Variants in FHIT observed in about 807,000 individuals in gnomAD.
FHIT encodes the protein bis(5'-adenosyl)-triphosphatase.
FHIT carries 19 observed loss-of-function variants against 17.9 expected under a neutral mutation model. The ratio of observed to expected loss-of-function variants is 1.06; its 90% CI spans 0.74 to 1.56. FHIT has a LOEUF of 1.56. Among genes scored for constraint, FHIT ranks in the 40% most tolerant of loss-of-function variants. The probability of loss-of-function intolerance (pLI) is 0.00; values close to 1 mark genes in which losing one functional copy is unlikely to be tolerated. For missense variants in FHIT, 248 were observed against 189.2 expected (o/e 1.31, Z -1.82); for synonymous variants, 81 against 69.7 (o/e 1.16, Z -0.81).
At position 60,045,980 on chromosome 3, in the gene FHIT, T is replaced by C. The variant is rs1701637815; in HGVS notation, c.104-31828A>G. On this transcript the variant is annotated intron_variant, in intron 5 of 9. Transcript: ENST00000492590. ...ACATTTCTACAGCCAACTCTAATTT[T>C]TGGTTACAATCAAAGCCTATGCCCT... Among the ~76,000 whole-genome samples, 3 of 152,344 alleles carry C rather than the reference T, an allele frequency of 2.0e-5. No homozygotes were observed. In the South Asian group the frequency reaches 6.2e-4, roughly 32 times the overall value.
chr3:60,331,149 T>A (rs758552976), intron 5 of FHIT, among the ~76,000 whole-genome samples: 9 of 152,174 alleles, frequency 5.9e-5, no homozygotes, highest in Non-Finnish European at 1.3e-4. Flanking sequence ...CACTCTGGAT[T>A]TCATGAAGTA....
At chr3:60,214,753 C>T (rs540953084) in intron 5 of FHIT, among the ~76,000 whole-genome samples, 28 of 152,166 alleles carry the variant, frequency 1.8e-4, no homozygotes, top group African/African-American at 6.0e-4. Flanking sequence ...AGCAAAGACA[C>T]GGAATCAACC....
At chr3:60,672,538 G>A (rs1373772713) in intron 4 of FHIT, among the ~76,000 whole-genome samples, 1 of 152,156 alleles carries the variant, frequency 6.6e-6, no homozygotes, top group Non-Finnish European at 1.5e-5. Context: ...ATCAGTTAAG[G>A]TGAGGCAGGG....
chr3:61,184,654 A>G (rs1184881381), intron 2 of FHIT, among the ~76,000 whole-genome samples: 2 of 152,174 alleles, frequency 1.3e-5, no homozygotes, highest in East Asian at 3.9e-4. Context: ...CCTCTGAGCT[A>G]GCTCACATCT....
chr3:61,180,419 T>G (rs531421001), intron 2 of FHIT, among the ~76,000 whole-genome samples: 6 of 152,244 alleles, frequency 3.9e-5, no homozygotes, highest in Admixed American at 1.3e-4. Flanking sequence ...AGTCAGAAGA[T>G]AATATGCTAA....
chr3:60,065,437 A>C (rs114742895), intron 5 of FHIT, among the ~76,000 whole-genome samples: 1 of 152,088 alleles, frequency 6.6e-6, no homozygotes, highest in Non-Finnish European at 1.5e-5. Context: ...GTTGAATAAG[A>C]TCATGCACAT....
chr3:59,875,671 A>G (rs1703119829), intron 8 of FHIT, among the ~76,000 whole-genome samples: 1 of 152,188 alleles, frequency 6.6e-6, no homozygotes, highest in African/African-American at 2.4e-5. Flanking sequence ...TTTACCTTTC[A>G]TCATAATAAA....
At chr3:61,074,590 G>T (rs2034914201) in intron 2 of FHIT, among the ~76,000 whole-genome samples, 1 of 152,124 alleles carries the variant, frequency 6.6e-6, no homozygotes, top group South Asian at 2.1e-4. Flanking sequence ...AAATGGCTGG[G>T]GCTGAGTTGA....
intron 3 of FHIT, 30 bp downstream of exon 3, chr3:61,042,017 T>C (rs1002621196): frequency 6.6e-6 from 1 of 152,252 alleles, no homozygotes; most frequent in African/African-American, 2.4e-5. Flanking sequence ...ATGTGCCAAT[T>C]CTGTTAAGTA....
At chr3:61,017,732 G>A (rs550905335) in intron 3 of FHIT, among the ~76,000 whole-genome samples, 1 of 152,248 alleles carries the variant, frequency 6.6e-6, no homozygotes, top group East Asian at 1.9e-4. Context: ...TGAAGAATTT[G>A]GCAATGAGGA....
rs192881706 is a variant in FHIT, at chr3:60,869,596, G to A, written c.-110-47585C>T. Among the ~76,000 whole-genome samples, 55 of 152,200 alleles carry A rather than the reference G, an allele frequency of 3.6e-4. 1 individual carries two copies. The highest frequency in any genetic ancestry group is 3.3e-3 in the Admixed American group (51 of 15,270). On this transcript the variant is annotated intron_variant, in intron 3 of 9. Transcript: ENST00000492590. ...TGGGAGATGGGGCACGCTTGGATTC[G>A]GTGTCTAACTCTAATTCAAACAACT...
intron 7 of FHIT, among the ~76,000 whole-genome samples, chr3:59,998,044 T>G (rs1289252491): frequency 1.3e-5 from 2 of 152,170 alleles, no homozygotes; most frequent in African/African-American, 4.8e-5. Flanking sequence ...TGGGTTTTCA[T>G]GCTTTCGCTG....
intron 3 of FHIT, among the ~76,000 whole-genome samples, chr3:61,026,185 T>TGAA (rs1298600480): frequency 6.6e-6 from 1 of 152,114 alleles, no homozygotes; most frequent in African/African-American, 2.4e-5. Context: ...AGAAGAAGAA[T>TGAA]GAAGAGTAAA....
In FHIT at chr3:60,417,099, A is replaced by G. The variant is rs1463107889; in HGVS notation, c.103+119761T>C. On this transcript the variant is annotated intron_variant, in intron 5 of 9. Transcript: ENST00000492590. ...GGGAGACTCCATCTCAGAAAGAAAAAAAAAAAAAAAAATTTGAGAACAACT... is the reference window on the plus strand; with the variant it reads ...GGGAGACTCCATCTCAGAAAGAAAAGAAAAAAAAAAAATTTGAGAACAACT... 1.8e-4 allele frequency among the ~76,000 whole-genome samples: 27 copies of G among 151,820 alleles called. No homozygotes were observed. In the South Asian group the frequency reaches 2.5e-3, roughly 14 times the overall value.
intron 5 of FHIT, among the ~76,000 whole-genome samples, chr3:60,385,633 G>C (rs974987724): frequency 6.6e-6 from 1 of 152,162 alleles, no homozygotes; most frequent in Non-Finnish European, 1.5e-5. Flanking sequence ...AGTCTAGAGT[G>C]CAGTTGCACG....
chr3:61,050,818 T>C (rs1162267635), intron 2 of FHIT, among the ~76,000 whole-genome samples: 2 of 152,208 alleles, frequency 1.3e-5, no homozygotes, highest in Non-Finnish European at 2.9e-5. Flanking sequence ...AGTCAGACAT[T>C]GGTTGGACCA....
At chr3:60,654,432 C>T (rs2040069306) in intron 4 of FHIT, among the ~76,000 whole-genome samples, 1 of 151,886 alleles carries the variant, frequency 6.6e-6, no homozygotes, top group Non-Finnish European at 1.5e-5. Flanking sequence ...GCCACCTGTC[C>T]AAATGGGAGC....
At chr3:61,042,541 A>G (rs2033569812) in intron 2 of FHIT, among the ~76,000 whole-genome samples, 1 of 152,152 alleles carries the variant, frequency 6.6e-6, no homozygotes. Context: ...CATTTTACAC[A>G]ATAAAAATTT....
chr3:59,882,034 A>G (rs1703430733), intron 8 of FHIT, among the ~76,000 whole-genome samples: 1 of 152,168 alleles, frequency 6.6e-6, no homozygotes, highest in Admixed American at 6.5e-5. Flanking sequence ...TTTCACTAAA[A>G]TAGTACTTTT....
Sources: gnomAD v4.1 joint callset for allele counts (sites outside exome capture counted in the v4.1 genomes callset) on GRCh38, gnomAD v4.1.1 for gene constraint, MANE v1.5 for transcripts, NCBI Gene and HGNC (gene_info 2026-07-23, HGNC 2026-07-21) for gene names.